Variants in PPP2R5D observed in about 807,000 individuals in gnomAD.
PPP2R5D encodes the protein serine/threonine-protein phosphatase 2A 56 kDa regulatory subunit delta isoform.
PPP2R5D carries 12 observed loss-of-function variants against 79.1 expected under a neutral mutation model. The observed-to-expected ratio is 0.15, with a 90% CI of 0.10 to 0.25. PPP2R5D has a LOEUF of 0.25. PPP2R5D is among the 10% of genes least tolerant of loss of function. The pLI, the probability that PPP2R5D is intolerant of heterozygous loss-of-function variation, is 1.00. For missense variants in PPP2R5D, 419 were observed against 760.2 expected (o/e 0.55, Z 5.28); for synonymous variants, 277 against 286.6 (o/e 0.97, Z 0.34).
At position 43,008,793 on chromosome 6, in the gene PPP2R5D, C is replaced by T. The variant is rs1267588362; in HGVS notation, c.1080+47C>T. 1.9e-6 allele frequency: 3 copies of T among 1,576,054 alleles called. No homozygotes were observed. Among genetic ancestry groups the T allele is most frequent in the East Asian group, 4.5e-5 (2 of 44,466 alleles). ...AAGGCCCACCTCTTACTGTCAGCAT[C>T]ACTTGCCAGTCTGTACCTACTGGGG... On this transcript the variant is annotated intron_variant, in intron 10 of 15. Coordinates refer to ENST00000485511, the MANE Select transcript of PPP2R5D (RefSeq NM_006245.4). This position sits in a 1 kb window ranked among gnomAD's most constrained non-coding sequence, Gnocchi z 4.2.
intron 2 of PPP2R5D, among the ~76,000 whole-genome samples, chr6:42,990,969 C>T (rs1452801655): frequency 2.6e-5 from 4 of 152,172 alleles, no homozygotes; most frequent in African/African-American, 7.2e-5. Flanking sequence ...GCCTCAGCCT[C>T]CCAAAGTGCT....
rs1278426364 is a variant in PPP2R5D at position 43,007,395 on chromosome 6, CGT to C, written c.634-17_634-16del. On this transcript the variant is annotated splice_polypyrimidine_tract_variant and intron_variant, in intron 5 of 15. Coordinates refer to ENST00000485511, the MANE Select transcript of PPP2R5D (RefSeq NM_006245.4). This position sits in a 1 kb window ranked among gnomAD's most constrained non-coding sequence, Gnocchi z 4.5. ...GTCCTTGGGAACATCCCCTCAGTGG[CGT>C]GCCTTTTCCCCTATAGCTCGTGTAT... is the stretch of plus-strand genomic sequence containing the variant. The C allele has an allele frequency of 1.9e-6, 3 of 1,606,062 alleles. No homozygotes were observed. The highest frequency in any genetic ancestry group is 2.6e-6 in the Non-Finnish European group (3 of 1,172,756).
chr6:42,995,321 A>G (rs1039159162), intron 2 of PPP2R5D, among the ~76,000 whole-genome samples: 9 of 151,358 alleles, frequency 5.9e-5, no homozygotes, highest in Non-Finnish European at 1.2e-4. Flanking sequence ...TTGTAGAGAT[A>G]GGTTTCTTAT....
intron 1 of PPP2R5D, among the ~76,000 whole-genome samples, chr6:42,987,874 A>G (rs1264789205): frequency 6.6e-6 from 1 of 152,154 alleles, no homozygotes; most frequent in Non-Finnish European, 1.5e-5. Flanking sequence ...TTGGAGATGT[A>G]TGAAGATGGG....
rs763823661 is a variant in PPP2R5D, at chr6:43,007,154, T to C, written c.523-42T>C. The C allele has an allele frequency of 1.2e-6, 2 of 1,613,768 alleles. No individual in the cohort carries two copies. The highest frequency in any genetic ancestry group is 1.7e-6 in the Non-Finnish European group (2 of 1,179,766). On this transcript the variant is annotated intron_variant, in intron 4 of 15. Coordinates refer to ENST00000485511, the MANE Select transcript of PPP2R5D (RefSeq NM_006245.4). The surrounding 1 kb of genome is among the most constrained non-coding windows in gnomAD (Gnocchi z 4.5). ...CACAGGGGGGACTGGTGAGGGGCTC[T>C]GGAGAAGCCCAGGTGGAGCTCTAAC...
intron 1 of PPP2R5D, 115 bp downstream of exon 1, chr6:42,984,819 G>A: frequency 6.8e-7 from 1 of 1,472,776 alleles, no homozygotes; most frequent in Non-Finnish European, 9.1e-7. Context: ...AGCCCCCGCA[G>A]GACTCCTGGG....
At chr6:43,005,940 GA>G (rs1762047617) in intron 2 of PPP2R5D, among the ~76,000 whole-genome samples, 1 of 152,086 alleles carries the variant, frequency 6.6e-6, no homozygotes, top group Non-Finnish European at 1.5e-5. Flanking sequence ...CTTTTGATTG[GA>G]GACTGTCATA....
intron 2 of PPP2R5D, among the ~76,000 whole-genome samples, chr6:43,005,449 A>G (rs2150276158): frequency 6.6e-6 from 1 of 152,166 alleles, no homozygotes; most frequent in South Asian, 2.1e-4. Context: ...AACTGCAGGC[A>G]TGTGCCACCA....
At chr6:43,001,433 C>T (rs1322534656) in intron 2 of PPP2R5D, among the ~76,000 whole-genome samples, 1 of 152,162 alleles carries the variant, frequency 6.6e-6, no homozygotes, top group African/African-American at 2.4e-5. Flanking sequence ...GCCACTGTGC[C>T]CGGCCAGGAT....
rs371666924 is a variant in PPP2R5D, at chr6:43,007,163, C to A, written c.523-33C>A. ...GACTGGTGAGGGGCTCTGGAGAAGC[C>A]CAGGTGGAGCTCTAACTGGCCCTAC... On this transcript the variant is annotated intron_variant, in intron 4 of 15. Coordinates refer to ENST00000485511, the MANE Select transcript of PPP2R5D (RefSeq NM_006245.4). The surrounding 1 kb of genome is among the most constrained non-coding windows in gnomAD (Gnocchi z 4.5). 2.2e-5 allele frequency: 35 copies of A among 1,613,840 alleles called. No individual in the cohort carries two copies. Among genetic ancestry groups the A allele is most frequent in the Non-Finnish European group, 2.9e-5 (34 of 1,179,890 alleles).
At chr6:43,011,047 G>A in intron 15 of PPP2R5D, 50 bp downstream of exon 15, 1 of 1,608,658 alleles carries the variant, frequency 6.2e-7, no homozygotes, top group Non-Finnish European at 8.5e-7. Flanking sequence ...CTCTGGAAGG[G>A]AGAGGAGACA....
rs747492621 is a variant in PPP2R5D, at chr6:42,984,640, G to T, written c.-38G>T. ...GGCCGAGCAAAGCCGGAGCCGGAGC[G>T]GGGCCGCAGGAGACGGGCCGGGTCC... On this transcript the variant is annotated 5_prime_UTR_variant, in exon 1 of 16. Coordinates refer to ENST00000485511, the MANE Select transcript of PPP2R5D (RefSeq NM_006245.4). 2.5e-5 allele frequency: 40 copies of T among 1,581,256 alleles called. No individual in the cohort carries two copies. The highest frequency in any genetic ancestry group is 5.8e-5 in the South Asian group (5 of 86,828).
At chr6:42,984,793 A>T in intron 1 of PPP2R5D, 89 bp downstream of exon 1, 4 of 1,576,984 alleles carry the variant, frequency 2.5e-6, no homozygotes, top group Non-Finnish European at 3.4e-6. Flanking sequence ...ACAGCCCCAG[A>T]CTGACCCTCC....
Position 43,007,314 on chromosome 6 carries a change from G to A in PPP2R5D, c.633+8G>A, listed in dbSNP as rs759665098. 44 of 1,613,626 alleles carry A rather than the reference G, an allele frequency of 2.7e-5. No homozygotes were observed. Among genetic ancestry groups the A allele is most frequent in the Non-Finnish European group, 3.7e-5 (44 of 1,179,540 alleles). ...GCTTGGCCACATCTCCAGGTACCAGGGCAAGGGGGCAGATTGGCCGTGGCT... is the reference window on the plus strand; with the variant it reads ...GCTTGGCCACATCTCCAGGTACCAGAGCAAGGGGGCAGATTGGCCGTGGCT... On this transcript the variant is annotated splice_region_variant and intron_variant, in intron 5 of 15. Transcript: ENST00000485511. The surrounding 1 kb of genome is among the most constrained non-coding windows in gnomAD (Gnocchi z 4.5).
In PPP2R5D at chr6:43,008,190, T is replaced by C; in HGVS notation, c.858-11T>C. 1 of 1,614,118 alleles carries C rather than the reference T, an allele frequency of 6.2e-7. No homozygotes were observed. Among genetic ancestry groups the C allele is most frequent in the Non-Finnish European group, 8.5e-7 (1 of 1,180,024 alleles). The stretch of plus-strand genomic sequence containing the variant: ...CAGGGGTTGTCAAGAGAGCCATTTT[T>C]CTTCCCTCAGGTTCATCTACGAGAC... On this transcript the variant is annotated splice_polypyrimidine_tract_variant and intron_variant, in intron 7 of 15. Transcript: ENST00000485511. The surrounding 1 kb of genome is among the most constrained non-coding windows in gnomAD (Gnocchi z 4.2).
At chr6:43,001,267 G>C (rs9462863) in intron 2 of PPP2R5D, among the ~76,000 whole-genome samples, 15,013 of 152,062 alleles carry the variant, frequency 0.099, 1,198 homozygotes, top group African/African-American at 0.2. Context: ...TCAGCCTCCC[G>C]AGTAGCTGGG....
chr6:43,010,805 G>C lies in PPP2R5D; in HGVS notation c.1554+69G>C, dbSNP rs1391940729. ...TCTTGAGCTGGGGGAGAGTTTGTTGGGGGAGGAATATGGGGCACACAGGCC... is the reference window on the plus strand; with the variant it reads ...TCTTGAGCTGGGGGAGAGTTTGTTGCGGGAGGAATATGGGGCACACAGGCC... On this transcript the variant is annotated intron_variant, in intron 14 of 15. Coordinates refer to ENST00000485511, the MANE Select transcript of PPP2R5D (RefSeq NM_006245.4). This position sits in a 1 kb window ranked among gnomAD's most constrained non-coding sequence, Gnocchi z 4.7. 6.2e-7 allele frequency: 1 copy of C among 1,605,484 alleles called. No individual in the cohort carries two copies.
In PPP2R5D at chr6:43,007,319, G is replaced by A. The variant is rs1004779277; in HGVS notation, c.633+13G>A. The A allele has an allele frequency of 6.2e-7, 1 of 1,613,350 alleles. No individual in the cohort carries two copies. The highest frequency in any genetic ancestry group is 8.5e-7 in the Non-Finnish European group (1 of 1,179,254). ...GCCACATCTCCAGGTACCAGGGCAAGGGGGCAGATTGGCCGTGGCTGCAGG... is the reference window on the plus strand; with the variant it reads ...GCCACATCTCCAGGTACCAGGGCAAAGGGGCAGATTGGCCGTGGCTGCAGG... On this transcript the variant is annotated intron_variant, in intron 5 of 15. Transcript: ENST00000485511. This position sits in a 1 kb window ranked among gnomAD's most constrained non-coding sequence, Gnocchi z 4.5.
rs1243861483 is a variant in PPP2R5D at position 43,009,885 on chromosome 6, T to G, written c.1379+436T>G. Among the ~76,000 whole-genome samples, 1 of 151,978 alleles carries G rather than the reference T, an allele frequency of 6.6e-6. No individual in the cohort carries two copies. The highest frequency in any genetic ancestry group is 6.6e-5 in the Admixed American group (1 of 15,242). ...GAGTTTGAGACCAGCCTGCCCAACA[T>G]AGTGAAACCCCCATCTCTACTAAAA... On this transcript the variant is annotated intron_variant, in intron 12 of 15. Coordinates refer to ENST00000485511, the MANE Select transcript of PPP2R5D (RefSeq NM_006245.4). The surrounding 1 kb of genome is among the most constrained non-coding windows in gnomAD (Gnocchi z 5.6).
Sources: gnomAD v4.1 joint callset for allele counts (sites outside exome capture counted in the v4.1 genomes callset) on GRCh38, gnomAD v4.1.1 for gene constraint, Gnocchi (gnomAD v3.1) non-coding constraint, MANE v1.5 for transcripts, NCBI Gene and HGNC (gene_info 2026-07-23, HGNC 2026-07-21) for gene names.